SPO11: variants seen among roughly 807,000 people sequenced by gnomAD.
The protein encoded by SPO11 is SPO11 initiator of meiotic double strand breaks.
SPO11 carries 49 observed loss-of-function variants against 51.6 expected under a neutral mutation model. The observed-to-expected ratio is 0.95, with a 90% CI of 0.75 to 1.20. SPO11 has a LOEUF of 1.20. Ranked by LOEUF, SPO11 falls within the 50% of genes most tolerant of loss-of-function variation. The probability of loss-of-function intolerance (pLI) is 0.00; values close to 1 mark genes in which losing one functional copy is unlikely to be tolerated. For missense variants in SPO11, 431 were observed against 473.4 expected, an observed-to-expected ratio of 0.91 and a Z score of 0.83; for synonymous variants, 176 against 158.2, an observed-to-expected ratio of 1.11 and a Z score of -0.84.
chr20:57,334,934 CT>C, intron 6 of SPO11, 98 bp downstream of exon 6: 1 of 970,704 alleles, frequency 1.0e-6, no homozygotes, highest in Non-Finnish European at 1.5e-6. Flanking sequence ...TAACCTAGAG[CT>C]TAAGATTTCA....
Position 57,342,980 on chromosome 20 carries a change from T to C in SPO11, c.1071+140T>C. The stretch of plus-strand genomic sequence containing the variant: ...AACATAAGTGTTGTTTGGCAGTAAA[T>C]AGTTGTTGAAATTGAGTCATATGAA... On this transcript the variant is annotated intron_variant, in intron 12 of 12. Coordinates refer to ENST00000371263, the MANE Select transcript of SPO11 (RefSeq NM_012444.3). 3 of 673,748 alleles carry C rather than the reference T, an allele frequency of 4.5e-6. 1 individual carries two copies. The South Asian group carries it at 5.8e-5, about 13-fold the overall frequency. 41.7% of individuals were successfully genotyped at this position (673,748 alleles called of 1,614,324 possible). A position where few individuals can be genotyped will look rare whatever the true frequency, so the allele number is the denominator to read the frequency against.
At chr20:57,335,974 T>A in intron 8 of SPO11, 67 bp downstream of exon 8, 1 of 885,450 alleles carries the variant, frequency 1.1e-6, no homozygotes, top group Non-Finnish European at 1.8e-6. Flanking sequence ...GGTAAGAGGA[T>A]TTACAATATT....
rs1274506184 is a variant in SPO11, at chr20:57,338,978, T to TGC, written c.845-11_845-10insGC. 6.8e-7 allele frequency: 1 copy of TGC among 1,464,720 alleles called. No individual in the cohort carries two copies. Among genetic ancestry groups the TGC allele is most frequent in the Non-Finnish European group, 9.3e-7 (1 of 1,071,540 alleles). 90.7% of individuals were successfully genotyped at this position (1,464,720 alleles called of 1,614,324 possible). A position where few individuals can be genotyped will look rare whatever the true frequency, so the allele number is the denominator to read the frequency against. On this transcript the variant is annotated splice_polypyrimidine_tract_variant and intron_variant, in intron 9 of 12. Transcript: ENST00000371263. ...AGGAGACTAATTTTATAGTTAACTT[T>TGC]CTTTTAACAGGCATAGAAATAATGT...
intron 11 of SPO11, among the ~76,000 whole-genome samples, chr20:57,340,538 C>T (rs1270315506): frequency 2.0e-5 from 3 of 151,996 alleles, no homozygotes; most frequent in African/African-American, 4.8e-5. Flanking sequence ...CCAAGGTGGG[C>T]GGATCACTTG....
At chr20:57,333,893 A>G in intron 4 of SPO11, 94 bp from the exon 5 acceptor site, 1 of 932,136 alleles carries the variant, frequency 1.1e-6, no homozygotes, top group Non-Finnish European at 1.6e-6. Flanking sequence ...TTGTGTTTTC[A>G]TCCAGTTAAA....
chr20:57,330,108 C>T (rs752993676), intron 1 of SPO11, 110 bp downstream of exon 1: 93 of 1,397,064 alleles, frequency 6.7e-5, no homozygotes, highest in Non-Finnish European at 7.7e-5. Flanking sequence ...CACCCCTTGG[C>T]GGGCCAGCCA....
Position 57,343,654 on chromosome 20 carries a change from G to T in SPO11, c.*194G>T. On this transcript the variant is annotated 3_prime_UTR_variant, in exon 13 of 13. Transcript: ENST00000371263. ...ATTTTCTTTGCAAGGCCTTATTCTTGCCTCTATAGAGACAGATTTCTGTCC... is the reference window on the plus strand; with the variant it reads ...ATTTTCTTTGCAAGGCCTTATTCTTTCCTCTATAGAGACAGATTTCTGTCC... The T allele has an allele frequency of 2.2e-6, 1 of 454,436 alleles. No homozygotes were observed. The highest frequency in any genetic ancestry group is 3.7e-6 in the Non-Finnish European group (1 of 272,596). The allele number at this position is 454,436 out of a possible 1,614,324, so 28.2% of individuals were successfully genotyped here. A position where few individuals can be genotyped will look rare whatever the true frequency, so the allele number is the denominator to read the frequency against.
intron 11 of SPO11, 29 bp from the exon 12 acceptor site, chr20:57,342,700 A>C: frequency 7.0e-7 from 1 of 1,419,926 alleles, no homozygotes; most frequent in Non-Finnish European, 9.9e-7. Context: ...ACACTTTTTT[A>C]CTGATTTTTT....
chr20:57,338,995 A>G lies in SPO11; in HGVS notation c.851A>G (p.Glu284Gly). Reference sequence around the variant, plus strand: ...GTTAACTTTCTTTTAACAGGCATAGAAATAATGTGCATCTATAAGTATGGA... The same window carrying G: ...GTTAACTTTCTTTTAACAGGCATAGGAATAATGTGCATCTATAAGTATGGA... ...TLVDADPHGI[E>G]IMCIYKYGSM... The change falls in exon 10 of 13, where the codon GAA becomes GGA. Residue 284 changes from glutamate to glycine, a missense_variant. Physicochemically the swap from Glu to Gly is moderately conservative, Grantham distance 98. This residue lies in a region of SPO11 where 405 missense variants were observed against 425.9 expected (regional missense o/e 0.95). Transcript: ENST00000371263. 1 of 1,493,502 alleles carries G rather than the reference A, an allele frequency of 6.7e-7. No homozygotes were observed. The highest frequency in any genetic ancestry group is 9.1e-7 in the Non-Finnish European group (1 of 1,096,154). 92.5% of individuals were successfully genotyped at this position (1,493,502 alleles called of 1,614,324 possible). A position where few individuals can be genotyped will look rare whatever the true frequency, so the allele number is the denominator to read the frequency against.
intron 5 of SPO11, 43 bp from the exon 6 acceptor site, chr20:57,334,707 T>TATA (rs760150768): frequency 9.2e-6 from 14 of 1,515,734 alleles, no homozygotes; most frequent in Non-Finnish European, 1.2e-5. Context: ...GCATAAAACA[T>TATA]ATTCGTGAAG....
At chr20:57,330,061 G>A in intron 1 of SPO11, 63 bp downstream of exon 1, 1 of 1,496,266 alleles carries the variant, frequency 6.7e-7, no homozygotes, top group Non-Finnish European at 8.9e-7. Flanking sequence ...CGCTCTTCCT[G>A]GCCCCGGGCT....
Position 57,331,932 on chromosome 20 carries a change from C to T in SPO11, c.231C>T (p.Ser77=). 6.3e-7 allele frequency: 1 copy of T among 1,582,024 alleles called. No homozygotes were observed. The highest frequency in any genetic ancestry group is 8.6e-7 in the Non-Finnish European group (1 of 1,164,802). The change falls in exon 2 of 13, where the codon AGC becomes AGT. Residue 77 remains serine, a synonymous_variant. Transcript: ENST00000371263. ...CATTCACGATAGACAACAGATCAAG[C>T]TGGGAAAACATAAAGTGGGCATTTT... ...APAFTIDNRS[S]WENIKFEDSV...
At chr20:57,330,398 G>GT (rs28368069) in intron 1 of SPO11, among the ~76,000 whole-genome samples, 41 of 150,998 alleles carry the variant, frequency 2.7e-4, no homozygotes, top group East Asian at 3.9e-4. Context: ...TTATTTTTTG[G>GT]TTTTTTTTTA....
intron 10 of SPO11, among the ~76,000 whole-genome samples, chr20:57,339,619 G>A (rs1318006703): frequency 1.3e-5 from 2 of 152,236 alleles, no homozygotes; most frequent in African/African-American, 4.8e-5. Flanking sequence ...AGATGAAAAG[G>A]ATGGTGGAGC....
At chr20:57,330,368 T>G (rs2066432225) in intron 1 of SPO11, among the ~76,000 whole-genome samples, 1 of 152,182 alleles carries the variant, frequency 6.6e-6, no homozygotes, top group Non-Finnish European at 1.5e-5. Context: ...TGGTTAAACT[T>G]TAAGGGTTTT....
chr20:57,331,908 A>T lies in SPO11; in HGVS notation c.207A>T (p.Ala69=), dbSNP rs1455375740. 1 of 1,604,652 alleles carries T rather than the reference A, an allele frequency of 6.2e-7. No individual in the cohort carries two copies. Among genetic ancestry groups the T allele is most frequent in the Non-Finnish European group, 8.5e-7 (1 of 1,175,874 alleles). Residue 69 remains alanine (A), a synonymous_variant, in exon 2 of 13, where the codon GCA becomes GCT. Transcript: ENST00000371263. ...GCTTGGCAAGAAATGAAGCACCTGC[A>T]TTCACGATAGACAACAGATCAAGCT... ...ITSLARNEAP[A]FTIDNRSSWE... is the part of the protein sequence containing the mutation.
In SPO11 at chr20:57,335,880, C is replaced by T. The variant is rs1449825808; in HGVS notation, c.717C>T (p.Asn239=). Residue 239 remains asparagine (N), a synonymous_variant, in exon 8 of 13, where the codon AAC becomes AAT. Transcript: ENST00000371263. ...FQRLLDDNFC[N]KLSPCIMITG... The stretch of plus-strand genomic sequence containing the variant: ...GGCTCCTAGATGACAACTTTTGCAA[C>T]AAATTGTCTCCTTGCATCATGATTA... The T allele has an allele frequency of 6.2e-7, 1 of 1,609,342 alleles. No individual in the cohort carries two copies. Among genetic ancestry groups the T allele is most frequent in the Non-Finnish European group, 8.5e-7 (1 of 1,176,458 alleles).
chr20:57,329,895 GC>G lies in SPO11; in HGVS notation c.30del (p.Ser11ArgfsTer17). On this transcript the variant is annotated frameshift_variant, in exon 1 of 13. Transcript: ENST00000371263. LOFTEE classifies it high-confidence loss of function. ...GGCCTTTGCACCTATGGGGCCCGAGGCCTCGTTCTTCGACGTTTTGGACCGA... is the reference window on the plus strand; with the variant it reads ...GGCCTTTGCACCTATGGGGCCCGAGGCTCGTTCTTCGACGTTTTGGACCGA... MAFAPMGPEASFFDVLDRHR... is the reference protein window; with the variant it reads MAFAPMGPEXSFFDVLDRHR... 1 of 1,613,848 alleles carries G rather than the reference GC, an allele frequency of 6.2e-7. No homozygotes were observed. The highest frequency in any genetic ancestry group is 8.5e-7 in the Non-Finnish European group (1 of 1,179,888).
chr20:57,331,706 C>T (rs560870324), intron 1 of SPO11, 127 bp from the exon 2 acceptor site: 153 of 472,698 alleles, frequency 3.2e-4, no homozygotes, highest in African/African-American at 2.9e-3. Flanking sequence ...AAAACCCCAC[C>T]CCAATTACCT....
Sources: allele counts gnomAD v4.1 joint callset (sites outside exome capture counted in the v4.1 genomes callset), GRCh38; gene constraint gnomAD v4.1.1; regional missense constraint gnomAD v4.1.1; transcripts MANE v1.5; gene names NCBI Gene and HGNC (gene_info 2026-07-23, HGNC 2026-07-21).